CMTM8: variants seen among roughly 807,000 people sequenced by gnomAD.
CMTM8 encodes the protein CKLF like MARVEL transmembrane domain containing 8.
In CMTM8, 12 loss-of-function variants were observed where a neutral mutation model predicts 18.6. The observed-to-expected ratio is 0.65, with a 90% CI of 0.41 to 1.05. CMTM8 has a LOEUF of 1.05. CMTM8 is among the 50% of genes least tolerant of loss of function. The pLI is 0.00. For synonymous variants in CMTM8, 87 were observed against 90.6 expected, an observed-to-expected ratio of 0.96 and a Z score of 0.23; for missense variants, 217 against 227.2, an observed-to-expected ratio of 0.95 and a Z score of 0.29.
intron 1 of CMTM8, among the ~76,000 whole-genome samples, chr3:32,331,063 G>T (rs1696264886): frequency 6.6e-6 from 1 of 152,158 alleles, no homozygotes; most frequent in African/African-American, 2.4e-5. Flanking sequence ...TGCAAGCCAT[G>T]AATCTGATAA....
At chr3:32,257,995 CT>C (rs1165559334) in intron 1 of CMTM8, among the ~76,000 whole-genome samples, 1 of 152,112 alleles carries the variant, frequency 6.6e-6, no homozygotes, top group African/African-American at 2.4e-5. Context: ...ATTGAAGCAT[CT>C]GGAAATCTCA....
At chr3:32,288,605 ACTCCCCTGC>A (rs939907472) in intron 1 of CMTM8, among the ~76,000 whole-genome samples, 8 of 151,482 alleles carry the variant, frequency 5.3e-5, no homozygotes, top group Non-Finnish European at 1.2e-4. Flanking sequence ...GGTTCAAACA[ACTCCCCTGC>A]CTCAGCCTCC....
In CMTM8 at chr3:32,367,899, G is replaced by A. The variant is rs142665637; in HGVS notation, c.349G>A (p.Val117Ile). The change falls in exon 3 of 4, where the codon GTC (valine) becomes ATC (isoleucine). Residue 117 changes from valine (V) to isoleucine (I), a missense_variant. Val to Ile is a conservative substitution (Grantham distance 29). Transcript: ENST00000307526. ...VGLCFNGSAFVLYLSAAVVDA... is the reference protein window; with the variant it reads ...VGLCFNGSAFILYLSAAVVDA... ...CCTGTGCTTTAACGGCAGTGCCTTCGTCTTGTACCTCTCTGCCGCTGTTGT... is the reference window on the plus strand; with the variant it reads ...CCTGTGCTTTAACGGCAGTGCCTTCATCTTGTACCTCTCTGCCGCTGTTGT... The A allele has an allele frequency of 3.0e-4, 478 of 1,614,034 alleles. No homozygotes were observed. The highest frequency in any genetic ancestry group is 5.0e-4 in the Middle Eastern group (3 of 6,034).
intron 1 of CMTM8, among the ~76,000 whole-genome samples, chr3:32,285,446 C>T (rs1354798653): frequency 6.6e-6 from 1 of 150,964 alleles, no homozygotes; most frequent in African/African-American, 2.4e-5. Flanking sequence ...ACCTGGAAGG[C>T]AGGTTGTGGT....
intron 1 of CMTM8, among the ~76,000 whole-genome samples, chr3:32,329,112 A>G (rs1696222959): frequency 1.3e-5 from 2 of 152,172 alleles, no homozygotes; most frequent in Admixed American, 6.5e-5. Flanking sequence ...TAGCTCTGTC[A>G]CCCAGGCTGG....
rs145072810 is a variant in CMTM8 at position 32,245,356 on chromosome 3, G to T, written c.147+6237G>T. On this transcript the variant is annotated intron_variant, in intron 1 of 3. Transcript: ENST00000307526. ...CTTGCTCTGGTTTTGGGGGTGAGTG[G>T]TAGTAGCTGTACCTATTAAAACACT... Among the ~76,000 whole-genome samples, 1,502 of 152,282 alleles carry T rather than the reference G, an allele frequency of 9.9e-3. 35 individuals carry two copies. Among genetic ancestry groups the T allele is most frequent in the African/African-American group, 0.035 (1,439 of 41,548 alleles).
chr3:32,339,441 T>A (rs1432711105), intron 1 of CMTM8, among the ~76,000 whole-genome samples: 4 of 152,180 alleles, frequency 2.6e-5, no homozygotes, highest in Non-Finnish European at 4.4e-5. Flanking sequence ...CCCATCTTCA[T>A]GCTGTGTTTG....
At chr3:32,277,596 GT>G (rs1368569690) in intron 1 of CMTM8, among the ~76,000 whole-genome samples, 14 of 152,072 alleles carry the variant, frequency 9.2e-5, no homozygotes, top group African/African-American at 3.1e-4. Context: ...GAACTGTGTT[GT>G]GTTGTCCAAA....
At chr3:32,285,792 G>A (rs563396617) in intron 1 of CMTM8, among the ~76,000 whole-genome samples, 3 of 152,274 alleles carry the variant, frequency 2.0e-5, no homozygotes, top group East Asian at 1.9e-4. Flanking sequence ...GGCATTTAAC[G>A]TAATTCTTAA....
At position 32,369,950 on chromosome 3, in the gene CMTM8, T is replaced by C. The variant is rs1695616016; in HGVS notation, c.505T>C (p.Ser169Pro). 3.7e-6 allele frequency: 6 copies of C among 1,600,424 alleles called. No homozygotes were observed. The highest frequency in any genetic ancestry group is 2.2e-5 in the East Asian group (1 of 44,622). The part of the protein sequence containing the change: ...NTYFSFIAWR[S>P]RTIQ ...ATATTTCAGTTTTATAGCATGGAGA[T>C]CCAGGACCATACAGTGATTTACCAT... Residue 169 changes from serine (S) to proline (P), a missense_variant, in exon 4 of 4, where the codon TCC becomes CCC. By Grantham distance (74) the Ser-to-Pro change is moderately conservative. Transcript: ENST00000307526.
intron 1 of CMTM8, among the ~76,000 whole-genome samples, chr3:32,287,079 G>A (rs980206905): frequency 5.3e-5 from 8 of 152,176 alleles, no homozygotes; most frequent in African/African-American, 1.9e-4. Flanking sequence ...CTTAATTTGG[G>A]GTTAGCTAAT....
intron 1 of CMTM8, among the ~76,000 whole-genome samples, chr3:32,342,162 C>T (rs1575184795): frequency 2.6e-5 from 4 of 152,190 alleles, no homozygotes. Context: ...GCAGGAGAAT[C>T]GCTTGAACCC....
At chr3:32,342,029 C>G (rs1295372727) in intron 1 of CMTM8, among the ~76,000 whole-genome samples, 1 of 152,114 alleles carries the variant, frequency 6.6e-6, no homozygotes, top group Non-Finnish European at 1.5e-5. Context: ...GGGCGGATCA[C>G]CTGAGGTCAG....
chr3:32,315,718 T>C (rs1219822850), intron 1 of CMTM8, among the ~76,000 whole-genome samples: 1 of 152,206 alleles, frequency 6.6e-6, no homozygotes, highest in Non-Finnish European at 1.5e-5. Flanking sequence ...CCATGAACCT[T>C]TGCTTCATAA....
intron 1 of CMTM8, among the ~76,000 whole-genome samples, chr3:32,280,085 C>T (rs1276732589): frequency 6.6e-6 from 1 of 151,982 alleles, no homozygotes; most frequent in Non-Finnish European, 1.5e-5. Context: ...TAGTGGTAAC[C>T]AAGCACTTCG....
intron 1 of CMTM8, among the ~76,000 whole-genome samples, chr3:32,294,094 C>T (rs1702830612): frequency 6.6e-6 from 1 of 152,200 alleles, no homozygotes; most frequent in Non-Finnish European, 1.5e-5. Context: ...TCTCCACAGC[C>T]TCACCAACAG....
intron 1 of CMTM8, among the ~76,000 whole-genome samples, chr3:32,293,878 CT>C (rs1384659065): frequency 2.0e-5 from 3 of 152,116 alleles, no homozygotes; most frequent in African/African-American, 4.8e-5. Context: ...GTGAGTAAGC[CT>C]GTTCATGTGT....
intron 1 of CMTM8, among the ~76,000 whole-genome samples, chr3:32,350,139 G>C (rs894541011): frequency 6.6e-6 from 1 of 152,158 alleles, no homozygotes; most frequent in African/African-American, 2.4e-5. Context: ...AGAGCAAAGG[G>C]TAAGGACTTA....
chr3:32,288,257 G>A (rs1304089983), intron 1 of CMTM8, among the ~76,000 whole-genome samples: 1 of 152,106 alleles, frequency 6.6e-6, no homozygotes, highest in East Asian at 1.9e-4. Flanking sequence ...TTTCATATAT[G>A]AGAGTAAGTA....
Sources: gnomAD v4.1 joint callset for allele counts (sites outside exome capture counted in the v4.1 genomes callset) on GRCh38, gnomAD v4.1.1 for gene constraint, MANE v1.5 for transcripts, NCBI Gene and HGNC (gene_info 2026-07-23, HGNC 2026-07-21) for gene names.